Variants in GARIN1A observed in about 807,000 individuals in gnomAD.
GARIN1A encodes Golgi-associated RAB2 interactor protein 1A.
At chr7:128,672,190 T>A in the GARIN1A span, 4 of 497,576 alleles carry the variant, frequency 8.0e-6, no homozygotes, top group Non-Finnish European at 1.4e-5. Context: ...TCTTTTTTTT[T>A]TCCCTTTTCT....
chr7:128,672,655 GGGCGGGGGGACAAAGAA>G, the GARIN1A span: 2 of 577,072 alleles, frequency 3.5e-6, no homozygotes, highest in Non-Finnish European at 5.5e-6. Context: ...GGGGAGGGGG[GGGCGGGGGGACAAAGAA>G]GCCACCAAAG....
chr7:128,672,356 G>A, the GARIN1A span: 1 of 1,557,690 alleles, frequency 6.4e-7, no homozygotes, highest in Non-Finnish European at 8.7e-7. Flanking sequence ...GGTCGGCGTG[G>A]AGCCCCAGAA....
the GARIN1A span, among the ~76,000 whole-genome samples, chr7:128,705,399 G>A: frequency 1.3e-5 from 2 of 152,288 alleles, no homozygotes; most frequent in East Asian, 3.9e-4. Context: ...CTCGGCAGGA[G>A]TGCCCTGGGG....
chr7:128,681,213 T>G, the GARIN1A span, among the ~76,000 whole-genome samples: 1 of 152,188 alleles, frequency 6.6e-6, no homozygotes. Context: ...AATTCTGAAA[T>G]TAAAATATCT....
chr7:128,676,634 G>A, the GARIN1A span, among the ~76,000 whole-genome samples: 1 of 151,740 alleles, frequency 6.6e-6, no homozygotes, highest in African/African-American at 2.4e-5. Flanking sequence ...CAAGGAAAAG[G>A]TGGGGATACA....
chr7:128,673,362 GGCATT>G, the GARIN1A span, among the ~76,000 whole-genome samples: 2 of 3,980 alleles, frequency 5.0e-4, no homozygotes, highest in Admixed American at 0.011. Flanking sequence ...AGGTGCTGGG[GGCATT>G]CATTCAAGGC....
the GARIN1A span, among the ~76,000 whole-genome samples, chr7:128,701,908 A>C: frequency 6.6e-6 from 1 of 152,124 alleles, no homozygotes; most frequent in Admixed American, 6.5e-5. Flanking sequence ...TTTGAAGAGG[A>C]ATTTATTATA....
At chr7:128,683,521 A>T in the GARIN1A span, 3 of 151,122 alleles carry the variant, frequency 2.0e-5, no homozygotes, top group African/African-American at 7.3e-5. Context: ...TCCAGGCTGG[A>T]GTACAGTGGT....
At chr7:128,678,602 G>A in the GARIN1A span, among the ~76,000 whole-genome samples, 3 of 151,882 alleles carry the variant, frequency 2.0e-5, no homozygotes, top group African/African-American at 7.3e-5. Flanking sequence ...TCAGGAGTTC[G>A]AGACCAGCCT....
the GARIN1A span, among the ~76,000 whole-genome samples, chr7:128,695,238 G>C: frequency 6.6e-6 from 1 of 152,190 alleles, no homozygotes; most frequent in Non-Finnish European, 1.5e-5. This position sits in a 1 kb window ranked among gnomAD's most constrained non-coding sequence, Gnocchi z 4.5. Flanking sequence ...CTGCCCCAGA[G>C]GCTGGGAACC....
At chr7:128,679,032 G>T in the GARIN1A span, among the ~76,000 whole-genome samples, 140 of 149,912 alleles carry the variant, frequency 9.3e-4, no homozygotes, top group African/African-American at 3.3e-3. Context: ...ACATATATAC[G>T]TATGTAACAA....
the GARIN1A span, among the ~76,000 whole-genome samples, chr7:128,673,719 G>A: frequency 1.4e-4 from 22 of 152,266 alleles, no homozygotes; most frequent in Non-Finnish European, 3.1e-4. Flanking sequence ...GGCTCCTGCC[G>A]CTCCACGGTC....
the GARIN1A span, chr7:128,683,103 C>G: frequency 6.2e-7 from 1 of 1,612,598 alleles, no homozygotes; most frequent in African/African-American, 1.3e-5. Flanking sequence ...CTGGAATGAG[C>G]ACCTTCTACA....
the GARIN1A span, chr7:128,679,915 G>C: frequency 1.8e-6 from 1 of 562,330 alleles, no homozygotes; most frequent in South Asian, 2.7e-5. Context: ...CAGGTTCCCA[G>C]GGTTAGGGTG....
the GARIN1A span, among the ~76,000 whole-genome samples, chr7:128,708,371 A>C: frequency 6.6e-6 from 1 of 151,990 alleles, no homozygotes; most frequent in Non-Finnish European, 1.5e-5. Context: ...AAAAATTTTA[A>C]AAAGCTCTCT....
At chr7:128,672,648 G>GAA in the GARIN1A span, 1 of 709,208 alleles carries the variant, frequency 1.4e-6, no homozygotes, top group Non-Finnish European at 2.2e-6. Flanking sequence ...AGCCCTGGGG[G>GAA]AGGGGGGGGC....
the GARIN1A span, among the ~76,000 whole-genome samples, chr7:128,707,738 C>T: frequency 6.6e-6 from 1 of 152,132 alleles, no homozygotes; most frequent in Non-Finnish European, 1.5e-5. Flanking sequence ...CAGATGTGAG[C>T]ACCCTGCCCG....
the GARIN1A span, among the ~76,000 whole-genome samples, chr7:128,702,132 C>A: frequency 6.6e-6 from 1 of 152,014 alleles, no homozygotes; most frequent in Non-Finnish European, 1.5e-5. Context: ...AATGCATTGC[C>A]AGCAGACCAG....
At chr7:128,678,492 A>G in the GARIN1A span, among the ~76,000 whole-genome samples, 2 of 152,180 alleles carry the variant, frequency 1.3e-5, no homozygotes, top group Admixed American at 1.3e-4. Context: ...ATACCAAATT[A>G]TACTCTCACC....
Sources: allele counts gnomAD v4.1 joint callset (sites outside exome capture counted in the v4.1 genomes callset), GRCh38; gene constraint gnomAD v4.1.1; non-coding constraint Gnocchi (gnomAD v3.1); transcripts MANE v1.5; gene names NCBI Gene and HGNC (gene_info 2026-07-23, HGNC 2026-07-21).